Variants in LAMA2 observed in about 807,000 individuals in gnomAD.
LAMA2 encodes the protein laminin subunit alpha 2.
In LAMA2, 269 loss-of-function variants were observed where a neutral mutation model predicts 364.8. That is an observed-to-expected ratio of 0.74 (90% CI 0.67 to 0.82). LAMA2 has a LOEUF of 0.82. LAMA2 is among the 40% of genes least tolerant of loss of function. LAMA2 has a pLI of 0.00. For missense variants in LAMA2, 3,807 were observed against 3,873.2 expected (o/e 0.98, Z 0.45); for synonymous variants, 1,379 against 1,370.6 (o/e 1.01, Z -0.14).
rs915896406 is a variant in LAMA2, at chr6:129,492,084, G to T, written c.8075+7G>T. 1 of 1,610,258 alleles carries T rather than the reference G, an allele frequency of 6.2e-7. No individual in the cohort carries two copies. The highest frequency in any genetic ancestry group is 1.3e-5 in the African/African-American group (1 of 74,780). On this transcript the variant is annotated splice_region_variant and intron_variant, in intron 57 of 64. Transcript: ENST00000421865. ...ATCTTGTTATTAACTCTGTGTAAGTGGATCTCCTCATTACTACTACTAATT... is the reference window on the plus strand; with the variant it reads ...ATCTTGTTATTAACTCTGTGTAAGTTGATCTCCTCATTACTACTACTAATT...
At chr6:129,328,518 G>C in intron 29 of LAMA2, 106 bp downstream of exon 29, 2 of 1,542,792 alleles carry the variant, frequency 1.3e-6, no homozygotes, top group Non-Finnish European at 1.8e-6. Flanking sequence ...GAATGCAACT[G>C]TGTGTGTGAA....
Position 129,315,838 on chromosome 6 carries a change from A to C in LAMA2, c.3812A>C (p.Asn1271Thr). Residue 1271 changes from asparagine to threonine, a missense_variant, in exon 26 of 65, where the codon AAT becomes ACT. Physicochemically the swap from Asn to Thr is moderately conservative, Grantham distance 65 (BLOSUM62 0). Transcript: ENST00000421865. ...AREETGFSTY[N>T]PQVIIRGGTP... ...GAAGAAACAGGTTTCTCTACATATA[A>C]TCCTCAAGTGATCATTCGAGGTGGG... The C allele has an allele frequency of 6.2e-7, 1 of 1,613,944 alleles. No individual in the cohort carries two copies.
chr6:129,313,281 G>A lies in LAMA2; in HGVS notation c.3411+184G>A, dbSNP rs3798662. ...ATTTGTTGGCATACCGATAAACACTGCTTTTCTAGAGCTTATTTTCAACCC... is the reference window on the plus strand; with the variant it reads ...ATTTGTTGGCATACCGATAAACACTACTTTTCTAGAGCTTATTTTCAACCC... On this transcript the variant is annotated intron_variant, in intron 23 of 64. Transcript: ENST00000421865. Among the ~76,000 whole-genome samples, 16,189 of 152,156 alleles carry A rather than the reference G, an allele frequency of 0.11. 1,250 individuals carry two copies. Among genetic ancestry groups the A allele is most frequent in the East Asian group, 0.39 (2,030 of 5,166 alleles).
chr6:129,459,999 T>C (rs1783166894), intron 48 of LAMA2, among the ~76,000 whole-genome samples: 1 of 152,018 alleles, frequency 6.6e-6, no homozygotes, highest in African/African-American at 2.4e-5. Context: ...GTTGAGCTTT[T>C]CCCCTGTTGT....
intron 7 of LAMA2, among the ~76,000 whole-genome samples, chr6:129,153,496 CA>C (rs982016345): frequency 6.6e-6 from 1 of 152,198 alleles, no homozygotes; most frequent in African/African-American, 2.4e-5. Context: ...TATCTTATTT[CA>C]TTCACCGGGT....
At chr6:129,392,959 T>A in intron 36 of LAMA2, 86 bp from the exon 37 acceptor site, 3 of 1,023,532 alleles carry the variant, frequency 2.9e-6, no homozygotes, top group Non-Finnish European at 3.0e-6. Flanking sequence ...CATGTTAGCA[T>A]CTCTTTGTAA....
intron 41 of LAMA2, among the ~76,000 whole-genome samples, chr6:129,430,168 A>G (rs1332766580): frequency 6.6e-6 from 1 of 152,198 alleles, no homozygotes; most frequent in Non-Finnish European, 1.5e-5. Context: ...GAAATGCCAT[A>G]TATTACTACC....
intron 1 of LAMA2, among the ~76,000 whole-genome samples, chr6:129,023,885 T>C (rs542753408): frequency 6.6e-6 from 1 of 152,320 alleles, no homozygotes; most frequent in East Asian, 1.9e-4. Flanking sequence ...TAGGTACCAA[T>C]TTTATATCAA....
intron 12 of LAMA2, among the ~76,000 whole-genome samples, chr6:129,222,892 G>C (rs9388688): frequency 6.6e-6 from 1 of 152,026 alleles, no homozygotes; most frequent in Non-Finnish European, 1.5e-5. Context: ...GGTATTTCTA[G>C]TTCTAGATCC....
chr6:129,146,410 A>G (rs1778452751), intron 5 of LAMA2, among the ~76,000 whole-genome samples: 1 of 152,028 alleles, frequency 6.6e-6, no homozygotes, highest in African/African-American at 2.4e-5. Flanking sequence ...ATAGTAATAT[A>G]AAAATGCAAA....
At chr6:129,149,495 A>C (rs1013884122) in intron 7 of LAMA2, among the ~76,000 whole-genome samples, 3 of 152,160 alleles carry the variant, frequency 2.0e-5, no homozygotes, top group Non-Finnish European at 4.4e-5. Flanking sequence ...TCAGCTCACT[A>C]AGTATATATG....
At position 129,442,198 on chromosome 6, in the gene LAMA2, G is replaced by T. The variant is rs1472587764; in HGVS notation, c.6269-865G>T. The stretch of plus-strand genomic sequence containing the variant: ...AAATGCTGTTTGAGTGGGGAATGGA[G>T]CCTGATTTCAGCATCCTAGCCTCAA... On this transcript the variant is annotated intron_variant, in intron 43 of 64. Transcript: ENST00000421865. 3 of 1,320,512 alleles carry T rather than the reference G, an allele frequency of 2.3e-6. No homozygotes were observed. In the Admixed American group the frequency reaches 6.5e-5, roughly 29 times the overall value. The allele number at this position is 1,320,512 out of a possible 1,614,324, so 81.8% of individuals were successfully genotyped here.
chr6:128,938,865 A>T (rs550299788), intron 1 of LAMA2, among the ~76,000 whole-genome samples: 1 of 152,238 alleles, frequency 6.6e-6, no homozygotes, highest in South Asian at 2.1e-4. Context: ...AATCTTAGTT[A>T]ATGATCCCTG....
chr6:129,325,920 A>G (rs1263472121), intron 28 of LAMA2, among the ~76,000 whole-genome samples: 3 of 151,938 alleles, frequency 2.0e-5, no homozygotes, highest in Non-Finnish European at 4.4e-5. Flanking sequence ...GCTTACTGCA[A>G]CCTCCACTTC....
At chr6:129,059,937 G>A in intron 3 of LAMA2, 41 bp downstream of exon 3, 1 of 1,085,936 alleles carries the variant, frequency 9.2e-7, no homozygotes, top group Non-Finnish European at 1.4e-6. Context: ...TTTTGAAATT[G>A]CATTTTACAT....
At chr6:129,460,159 A>G in intron 48 of LAMA2, 41 bp from the exon 49 acceptor site, 1 of 1,604,898 alleles carries the variant, frequency 6.2e-7, no homozygotes, top group Non-Finnish European at 8.5e-7. Context: ...ATTATTTGTG[A>G]AATTCCAAAT....
chr6:128,941,364 A>T (rs1780143581), intron 1 of LAMA2, among the ~76,000 whole-genome samples: 2 of 152,238 alleles, frequency 1.3e-5, no homozygotes, highest in Admixed American at 6.5e-5. Flanking sequence ...AGGAAAATAC[A>T]TAATCAAAGT....
chr6:129,011,197 T>C (rs959854477), intron 1 of LAMA2, among the ~76,000 whole-genome samples: 4 of 152,190 alleles, frequency 2.6e-5, no homozygotes, highest in African/African-American at 9.7e-5. Flanking sequence ...CGACTTACTA[T>C]TCTTTGTACC....
chr6:128,931,392 A>C (rs993623923), intron 1 of LAMA2, among the ~76,000 whole-genome samples: 5 of 152,108 alleles, frequency 3.3e-5, no homozygotes, highest in African/African-American at 1.2e-4. Context: ...AATGCCTAGC[A>C]AATATCTTAA....
Sources: gnomAD v4.1 joint callset for allele counts (sites outside exome capture counted in the v4.1 genomes callset) on GRCh38, gnomAD v4.1.1 for gene constraint, MANE v1.5 for transcripts, NCBI Gene and HGNC (gene_info 2026-07-23, HGNC 2026-07-21) for gene names.